The following TLK1 variants were observed in gnomAD, a reference collection of about 807,000 sequenced individuals.
TLK1 encodes the protein tousled like kinase 1.
TLK1 carries 24 observed loss-of-function variants against 105.3 expected under a neutral mutation model. The ratio of observed to expected loss-of-function variants is 0.23; its 90% confidence interval spans 0.17 to 0.32. TLK1 has a LOEUF of 0.32. TLK1 is among the 10% of genes least tolerant of loss of function. TLK1 has a pLI of 1.00. For missense variants in TLK1, 558 were observed against 910.5 expected (o/e 0.61, Z 4.98); for synonymous variants, 321 against 310.4 (o/e 1.03, Z -0.36).
chr2:171,041,457 T>A (rs768038356), intron 11 of TLK1, among the ~76,000 whole-genome samples: 2 of 152,194 alleles, frequency 1.3e-5, no homozygotes, highest in Non-Finnish European at 2.9e-5. Flanking sequence ...GTACCGTCCA[T>A]GGCCTGTTAG....
chr2:171,023,416 C>CAT (rs1685622411), intron 12 of TLK1, among the ~76,000 whole-genome samples: 1 of 145,754 alleles, frequency 6.9e-6, no homozygotes, highest in South Asian at 2.2e-4. Context: ...CTCACACATA[C>CAT]ACACACACAC....
At chr2:171,199,094 G>C (rs1693350206) in intron 1 of TLK1, among the ~76,000 whole-genome samples, 2 of 152,180 alleles carry the variant, frequency 1.3e-5, no homozygotes, top group Admixed American at 1.3e-4. Context: ...TAACTAAGTT[G>C]TTTGCAGCTT....
chr2:171,216,059 A>G (rs1693707647), intron 1 of TLK1, among the ~76,000 whole-genome samples: 1 of 152,182 alleles, frequency 6.6e-6, no homozygotes, highest in African/African-American at 2.4e-5. Context: ...TCCATTTTAC[A>G]GACAGCAAAC....
intron 11 of TLK1, among the ~76,000 whole-genome samples, chr2:171,043,843 G>A (rs2105418762): frequency 6.6e-6 from 1 of 152,138 alleles, no homozygotes; most frequent in African/African-American, 2.4e-5. Flanking sequence ...GCCTTCCAAA[G>A]CACTGGGATT....
chr2:171,001,249 C>T (rs1304327413), intron 18 of TLK1, among the ~76,000 whole-genome samples: 1 of 152,170 alleles, frequency 6.6e-6, no homozygotes, highest in African/African-American at 2.4e-5. Context: ...CACTGACAAT[C>T]CTTTCCATAG....
At chr2:171,050,782 G>A (rs1052538205) in intron 8 of TLK1, among the ~76,000 whole-genome samples, 1 of 152,198 alleles carries the variant, frequency 6.6e-6, no homozygotes, top group Non-Finnish European at 1.5e-5. Flanking sequence ...ATCAAAAGAT[G>A]AGTCTGATTA....
At chr2:171,113,122 A>T (rs1049647835) in intron 2 of TLK1, among the ~76,000 whole-genome samples, 1 of 152,164 alleles carries the variant, frequency 6.6e-6, no homozygotes, top group Non-Finnish European at 1.5e-5. Flanking sequence ...TAAACGAGAG[A>T]TTTTACTCTA....
chr2:171,036,379 ACT>A (rs1358345345), intron 11 of TLK1, among the ~76,000 whole-genome samples: 1 of 151,970 alleles, frequency 6.6e-6, no homozygotes, highest in Non-Finnish European at 1.5e-5. Context: ...CCAGAGCGAG[ACT>A]CTGTCTCCCC....
chr2:170,999,001 C>T (rs771969312), intron 18 of TLK1, among the ~76,000 whole-genome samples: 12 of 152,164 alleles, frequency 7.9e-5, no homozygotes, highest in Non-Finnish European at 1.5e-4. Flanking sequence ...ACTGGCCTTA[C>T]GTGATCCTCC....
chr2:171,028,742 T>C (rs1414170018), intron 11 of TLK1, among the ~76,000 whole-genome samples: 2 of 152,218 alleles, frequency 1.3e-5, no homozygotes, highest in Admixed American at 1.3e-4. Flanking sequence ...AGAATTTATA[T>C]TCTAAGGATA....
At chr2:171,190,429 G>A (rs1693122628) in intron 1 of TLK1, among the ~76,000 whole-genome samples, 1 of 152,160 alleles carries the variant, frequency 6.6e-6, no homozygotes, top group South Asian at 2.1e-4. Flanking sequence ...AATTCAAGGA[G>A]GAGTTGCATT....
At chr2:171,205,267 A>G (rs1020239175) in intron 1 of TLK1, among the ~76,000 whole-genome samples, 2 of 151,918 alleles carry the variant, frequency 1.3e-5, no homozygotes, top group African/African-American at 4.8e-5. Flanking sequence ...TCTATTAAAT[A>G]TATGACAGTT....
At chr2:171,021,054 T>C (rs936556915) in intron 12 of TLK1, among the ~76,000 whole-genome samples, 1 of 152,184 alleles carries the variant, frequency 6.6e-6, no homozygotes, top group Non-Finnish European at 1.5e-5. Context: ...TTCCTGTTTT[T>C]CTGGGGGTGT....
intron 1 of TLK1, among the ~76,000 whole-genome samples, chr2:171,201,625 T>C (rs1206394892): frequency 1.3e-5 from 2 of 152,252 alleles, no homozygotes; most frequent in Non-Finnish European, 2.9e-5. Context: ...CATATTGTGC[T>C]GAAAGCTGCT....
intron 1 of TLK1, among the ~76,000 whole-genome samples, chr2:171,128,325 A>G (rs998081294): frequency 6.6e-6 from 1 of 152,172 alleles, no homozygotes; most frequent in East Asian, 1.9e-4. Context: ...ACGTAGGTCG[A>G]TAAGTTGTGT....
chr2:171,056,376 AG>A, intron 6 of TLK1, 94 bp downstream of exon 6: 1 of 888,032 alleles, frequency 1.1e-6, no homozygotes, highest in African/African-American at 1.7e-5. Flanking sequence ...TTATTTATAT[AG>A]AAGTTCTCAA....
chr2:171,164,202 A>G (rs955092829), upstream of TLK1, among the ~76,000 whole-genome samples: 5 of 152,182 alleles, frequency 3.3e-5, no homozygotes, highest in Non-Finnish European at 7.3e-5. Flanking sequence ...GACAGCACTC[A>G]CCAACCTTTA....
chr2:171,151,935 T>C (rs189114045), intron 1 of TLK1, among the ~76,000 whole-genome samples: 5 of 152,236 alleles, frequency 3.3e-5, no homozygotes, highest in African/African-American at 1.2e-4. Context: ...AAATATACAG[T>C]ATCAAAAAAG....
intron 1 of TLK1, among the ~76,000 whole-genome samples, chr2:171,201,953 A>AT (rs1693407972): frequency 6.6e-6 from 1 of 150,590 alleles, no homozygotes; most frequent in Non-Finnish European, 1.5e-5. Flanking sequence ...ATCATCAATC[A>AT]TATCTATTAT....
Sources: gnomAD v4.1 joint callset for allele counts (sites outside exome capture counted in the v4.1 genomes callset) on GRCh38, gnomAD v4.1.1 for gene constraint, MANE v1.5 for transcripts, NCBI Gene and HGNC (gene_info 2026-07-23, HGNC 2026-07-21) for gene names.